STX18: variants seen among roughly 807,000 people sequenced by gnomAD.
STX18 encodes the protein syntaxin 18, also known as syntaxin-18.
In STX18, 40 loss-of-function variants were observed where a neutral mutation model predicts 50.1. That is an observed-to-expected ratio of 0.80 (90% CI 0.62 to 1.04). The LOEUF (loss-of-function observed/expected upper bound fraction) is 1.04. Among genes scored for constraint, STX18 ranks in the 50% least tolerant of loss-of-function variants. The pLI, the probability that STX18 is intolerant of heterozygous loss-of-function variation, is 0.00. For synonymous variants in STX18, 158 were observed against 151.8 expected, an observed-to-expected ratio of 1.04 and a Z score of -0.30; for missense variants, 410 against 415.8, an observed-to-expected ratio of 0.99 and a Z score of 0.12.
rs750955200 is a variant in STX18, at chr4:4,438,535, G to A, written c.498-26C>T. The A allele has an allele frequency of 1.3e-5, 20 of 1,551,518 alleles. No homozygotes were observed. The Admixed American group carries it at 1.7e-4, about 13-fold the overall frequency. ...CTAAAAATAAATAATTAGCAGGCAG[G>A]TATTTTATTTCCATAACAGGATTCC... On this transcript the variant is annotated intron_variant, in intron 5 of 10. Coordinates refer to ENST00000306200, the MANE Select transcript of STX18 (RefSeq NM_016930.4).
intron 1 of STX18, among the ~76,000 whole-genome samples, chr4:4,472,202 T>C (rs981661738): frequency 2.0e-5 from 3 of 152,224 alleles, no homozygotes; most frequent in Non-Finnish European, 4.4e-5. Flanking sequence ...GTCTTTCCTA[T>C]GGGCTATTTC....
At chr4:4,504,460 G>T (rs1729602182) in intron 1 of STX18, among the ~76,000 whole-genome samples, 2 of 152,140 alleles carry the variant, frequency 1.3e-5, no homozygotes, top group Non-Finnish European at 2.9e-5. Flanking sequence ...GGAGTACACA[G>T]ACAATAAAGC....
At chr4:4,452,489 T>C (rs762509515) in intron 5 of STX18, among the ~76,000 whole-genome samples, 3 of 152,334 alleles carry the variant, frequency 2.0e-5, no homozygotes, top group Non-Finnish European at 4.4e-5. Flanking sequence ...ACTTTCTTGT[T>C]AAGGGCTAAT....
chr4:4,481,671 T>C (rs1408645023), intron 1 of STX18: 1 of 152,184 alleles, frequency 6.6e-6, no homozygotes, highest in Admixed American at 6.5e-5. Context: ...AATTGAAAAA[T>C]GCATCAATAG....
intron 5 of STX18, chr4:4,453,640 C>T (rs990643033): frequency 2.8e-5 from 27 of 978,334 alleles, no homozygotes; most frequent in African/African-American, 5.3e-5. Context: ...CTCCGAGGTA[C>T]GCCTGTCCTT....
intron 5 of STX18, among the ~76,000 whole-genome samples, chr4:4,447,146 T>A (rs1460336342): frequency 6.6e-6 from 1 of 152,288 alleles, no homozygotes; most frequent in Admixed American, 6.5e-5. Context: ...CAAATATTAG[T>A]TTTGGGATGT....
intron 5 of STX18, among the ~76,000 whole-genome samples, chr4:4,451,899 T>C (rs1726772182): frequency 6.6e-6 from 1 of 152,208 alleles, no homozygotes. Flanking sequence ...TTATGAATCT[T>C]AGTTAGAAGG....
chr4:4,516,753 C>T (rs551780059), intron 1 of STX18, among the ~76,000 whole-genome samples: 53 of 152,142 alleles, frequency 3.5e-4, no homozygotes, highest in African/African-American at 1.1e-3. Flanking sequence ...TCTGTGCTAA[C>T]ATTAAAACTA....
chr4:4,539,512 T>C (rs1284704210), intron 1 of STX18, among the ~76,000 whole-genome samples: 1 of 152,100 alleles, frequency 6.6e-6, no homozygotes, highest in Non-Finnish European at 1.5e-5. Flanking sequence ...AATGACAACA[T>C]AAAATCAAAA....
chr4:4,541,730 G>C (rs1396550866), intron 1 of STX18, 67 bp downstream of exon 1: 3 of 1,539,014 alleles, frequency 1.9e-6, no homozygotes, highest in South Asian at 1.3e-5. Context: ...GTCTGGTTTG[G>C]GGCCCGGGGT....
chr4:4,473,321 C>T (rs1328382951), intron 1 of STX18, among the ~76,000 whole-genome samples: 11 of 137,628 alleles, frequency 8.0e-5, no homozygotes, highest in Admixed American at 3.9e-4. Context: ...GAGATGGAGT[C>T]TTGCTCTGTC....
chr4:4,423,039 C>T (rs546141987), intron 9 of STX18, among the ~76,000 whole-genome samples: 36 of 152,310 alleles, frequency 2.4e-4, no homozygotes, highest in East Asian at 1.9e-3. Flanking sequence ...GCATGGACCG[C>T]GCGTTGTGAG....
intron 1 of STX18, among the ~76,000 whole-genome samples, chr4:4,515,175 A>G (rs1730193125): frequency 6.6e-6 from 1 of 152,144 alleles, no homozygotes; most frequent in African/African-American, 2.4e-5. Context: ...TAAAACTTTA[A>G]AAAATAATAA....
At chr4:4,523,558 A>C (rs987171513) in intron 1 of STX18, among the ~76,000 whole-genome samples, 1 of 152,214 alleles carries the variant, frequency 6.6e-6, no homozygotes, top group African/African-American at 2.4e-5. Context: ...TGAAAACCTC[A>C]AAGTCATCTA....
chr4:4,486,748 G>A (rs934970473), intron 1 of STX18, among the ~76,000 whole-genome samples: 1 of 151,950 alleles, frequency 6.6e-6, no homozygotes, highest in Admixed American at 6.5e-5. Flanking sequence ...AGGGGCGAGA[G>A]GAAAAAACAT....
At chr4:4,523,949 T>C (rs556932699) in intron 1 of STX18, among the ~76,000 whole-genome samples, 4 of 152,118 alleles carry the variant, frequency 2.6e-5, no homozygotes, top group Admixed American at 6.5e-5. Context: ...CTTTAACCCC[T>C]CCCACTGAGT....
chr4:4,528,923 C>A (rs977625780), intron 1 of STX18, among the ~76,000 whole-genome samples: 1 of 152,190 alleles, frequency 6.6e-6, no homozygotes, highest in Non-Finnish European at 1.5e-5. Context: ...AACTGGTATC[C>A]CAACAACAGA....
chr4:4,431,253 G>T (rs1376164655), intron 7 of STX18, among the ~76,000 whole-genome samples: 7 of 152,284 alleles, frequency 4.6e-5, no homozygotes, highest in Admixed American at 6.5e-5. Context: ...CTTTCTTAAT[G>T]AAGAGACAGA....
intron 1 of STX18, among the ~76,000 whole-genome samples, chr4:4,521,552 AG>A (rs1730511466): frequency 6.6e-6 from 1 of 152,236 alleles, no homozygotes; most frequent in African/African-American, 2.4e-5. Context: ...GAGGCAGCAA[AG>A]GTTTCACCAA....
Sources: gnomAD v4.1 joint callset for allele counts (sites outside exome capture counted in the v4.1 genomes callset) on GRCh38, gnomAD v4.1.1 for gene constraint, MANE v1.5 for transcripts, NCBI Gene and HGNC (gene_info 2026-07-23, HGNC 2026-07-21) for gene names.